TMEM244: variants seen among roughly 807,000 people sequenced by gnomAD.
TMEM244 encodes the protein transmembrane protein 244.
A neutral mutation model predicts 15.8 loss-of-function variants in TMEM244; 13 were observed. The ratio of observed to expected loss-of-function variants is 0.82; its 90% CI spans 0.53 to 1.30. The LOEUF is 1.30. TMEM244 is among the 50% of genes most tolerant of loss of function. TMEM244 has a pLI of 0.00. For missense variants in TMEM244, 161 were observed against 144.9 expected, an observed-to-expected ratio of 1.11 and a Z score of -0.57; for synonymous variants, 45 against 48.7, an observed-to-expected ratio of 0.92 and a Z score of 0.32.
chr6:129,838,658 A>G (rs935133998), intron 3 of TMEM244, among the ~76,000 whole-genome samples: 3 of 152,234 alleles, frequency 2.0e-5, no homozygotes, highest in Non-Finnish European at 2.9e-5. Flanking sequence ...GTTTTTTGAG[A>G]AGATCAACAA....
At chr6:129,835,934 A>G (rs1776398996) in intron 3 of TMEM244, among the ~76,000 whole-genome samples, 1 of 152,188 alleles carries the variant, frequency 6.6e-6, no homozygotes, top group Non-Finnish European at 1.5e-5. Context: ...GGAGCACACC[A>G]CAGCTCAGCA....
chr6:129,839,719 A>G (rs977766940), intron 3 of TMEM244, among the ~76,000 whole-genome samples: 2 of 152,234 alleles, frequency 1.3e-5, no homozygotes, highest in African/African-American at 4.8e-5. Context: ...CTGATAAGCA[A>G]CTTCAGCAAA....
chr6:129,835,889 G>A (rs4418204), intron 3 of TMEM244, among the ~76,000 whole-genome samples: 23,622 of 152,038 alleles, frequency 0.16, 3,005 homozygotes, highest in African/African-American at 0.34. Context: ...GTAGCTCACA[G>A]TGTAAACAAA....
chr6:129,848,763 T>A (rs1776597246), intron 1 of TMEM244, among the ~76,000 whole-genome samples: 1 of 152,216 alleles, frequency 6.6e-6, no homozygotes. Context: ...AAGAGTCATG[T>A]GTCTTTGGGT....
chr6:129,845,451 T>C (rs930836705), intron 2 of TMEM244, among the ~76,000 whole-genome samples: 17 of 152,174 alleles, frequency 1.1e-4, no homozygotes, highest in African/African-American at 4.1e-4. Context: ...ACTTTTATCA[T>C]TTTCAGATAG....
At chr6:129,847,219 C>T (rs1415527585) in intron 1 of TMEM244, among the ~76,000 whole-genome samples, 1 of 152,154 alleles carries the variant, frequency 6.6e-6, no homozygotes, top group African/African-American at 2.4e-5. Flanking sequence ...TCACTGTTAA[C>T]CTTTTCAAAG....
intron 1 of TMEM244, among the ~76,000 whole-genome samples, chr6:129,847,025 G>T (rs922258838): frequency 2.6e-5 from 4 of 152,140 alleles, no homozygotes; most frequent in Non-Finnish European, 5.9e-5. Context: ...AAATGCCATG[G>T]AATAGGTTGG....
intron 3 of TMEM244, among the ~76,000 whole-genome samples, chr6:129,835,022 G>A (rs1460397576): frequency 6.6e-6 from 1 of 152,162 alleles, no homozygotes; most frequent in Non-Finnish European, 1.5e-5. Context: ...TGATAGGAAA[G>A]AAAGCATGAC....
intron 1 of TMEM244, among the ~76,000 whole-genome samples, chr6:129,849,254 G>A (rs561631489): frequency 9.9e-5 from 15 of 152,048 alleles, no homozygotes; most frequent in Non-Finnish European, 1.5e-4. Flanking sequence ...GGAAAAGCAA[G>A]GCATAATTTT....
At chr6:129,842,319 C>G (rs1244840382) in intron 3 of TMEM244, among the ~76,000 whole-genome samples, 1 of 152,160 alleles carries the variant, frequency 6.6e-6, no homozygotes, top group Non-Finnish European at 1.5e-5. Context: ...TTGGCAAAAA[C>G]TAGGGAAGTG....
intron 4 of TMEM244, 45 bp from the exon 5 acceptor site, chr6:129,831,431 T>C: frequency 7.5e-7 from 1 of 1,341,094 alleles, no homozygotes. Flanking sequence ...TGCGTTTTTA[T>C]ATTTTGCTCA....
intron 1 of TMEM244, among the ~76,000 whole-genome samples, chr6:129,854,050 G>A (rs1776671669): frequency 6.6e-6 from 1 of 152,128 alleles, no homozygotes; most frequent in Non-Finnish European, 1.5e-5. Context: ...TCTAGATATC[G>A]TTTTATGGTT....
chr6:129,850,796 A>G (rs1776627793), intron 1 of TMEM244, among the ~76,000 whole-genome samples: 1 of 152,218 alleles, frequency 6.6e-6, no homozygotes. Context: ...TCTTAGAAGT[A>G]CAAAAGGTAA....
chr6:129,843,755 A>G, intron 2 of TMEM244, 152 bp from the exon 3 acceptor site: 1 of 541,172 alleles, frequency 1.8e-6, no homozygotes, highest in Non-Finnish European at 3.3e-6. Flanking sequence ...AATGTGAAGG[A>G]ATCAGCAATG....
chr6:129,852,439 T>C (rs1000236427), intron 1 of TMEM244, among the ~76,000 whole-genome samples: 1 of 152,098 alleles, frequency 6.6e-6, no homozygotes, highest in African/African-American at 2.4e-5. Flanking sequence ...GGAAGTATGA[T>C]TCATCTTTAT....
chr6:129,845,777 C>G lies in TMEM244; in HGVS notation c.109G>C (p.Val37Leu). 6.2e-7 allele frequency: 1 copy of G among 1,611,258 alleles called. No homozygotes were observed. Residue 37 changes from valine (V) to leucine (L), a missense_variant, in exon 2 of 5, where the codon GTG becomes CTG. Transcript: ENST00000368143. ...CAATGTGCTACTTACTCAAACATCACGCAGCCCATGCTCAGGGACACATAG... is the reference window on the plus strand; with the variant it reads ...CAATGTGCTACTTACTCAAACATCAGGCAGCCCATGCTCAGGGACACATAG... ...VYYVSLSMGC[V>L]MFEVHELNVL...
rs767026809 is a variant in TMEM244, at chr6:129,833,520, C to T, written c.259G>A (p.Glu87Lys). 1.1e-5 allele frequency: 18 copies of T among 1,613,158 alleles called. No individual in the cohort carries two copies. Among genetic ancestry groups the T allele is most frequent in the Non-Finnish European group, 1.5e-5 (18 of 1,179,618 alleles). ...CGLFFVPVVE[E>K]WVWDYAISVT... is the part of the protein sequence containing the mutation. ...GAAATAGCATAATCCCAAACCCATT[C>T]TTCCACAACTGGAACAAAAAACAAT... The change falls in exon 4 of 5, where the codon GAA (glutamate) becomes AAA (lysine). Residue 87 changes from glutamate to lysine, a missense_variant. Glu to Lys is a moderately conservative substitution (Grantham distance 56). Coordinates refer to ENST00000368143, the MANE Select transcript of TMEM244 (RefSeq NM_001010876.2).
intron 1 of TMEM244, among the ~76,000 whole-genome samples, chr6:129,858,174 T>C (rs1385268111): frequency 2.6e-5 from 4 of 152,306 alleles, no homozygotes; most frequent in East Asian, 3.9e-4. Flanking sequence ...GATTGATCTA[T>C]AGTTTATTTT....
chr6:129,861,182 G>A lies in TMEM244; in HGVS notation c.7C>T (p.Leu3Phe). MA[L>F]QVRVAPSKVV... The stretch of plus-strand genomic sequence containing the variant: ...TTGCTTGGAGCAACTCTGACCTGGA[G>A]AGCCATGTACACATCCTACGTCAAG... The change falls in exon 1 of 5, where the codon CTC becomes TTC. Residue 3 changes from leucine (L) to phenylalanine (F), a missense_variant. By Grantham distance (22) the Leu-to-Phe change is conservative. Transcript: ENST00000368143. 1 of 1,613,804 alleles carries A rather than the reference G, an allele frequency of 6.2e-7. No individual in the cohort carries two copies.
Sources: allele counts gnomAD v4.1 joint callset (sites outside exome capture counted in the v4.1 genomes callset), GRCh38; gene constraint gnomAD v4.1.1; transcripts MANE v1.5; gene names NCBI Gene and HGNC (gene_info 2026-07-23, HGNC 2026-07-21).